The following SLC2A14 variants were observed in gnomAD, a reference collection of about 807,000 sequenced individuals.
SLC2A14 encodes solute carrier family 2 member 14.
In SLC2A14, 13 loss-of-function variants were observed where a neutral mutation model predicts 43.0. The observed-to-expected ratio is 0.30, with a 90% CI of 0.20 to 0.48. The LOEUF is 0.48. Among genes scored for constraint, SLC2A14 ranks in the 20% least tolerant of loss-of-function variants. The pLI is 0.99. For synonymous variants in SLC2A14, 190 were observed against 233.8 expected, an observed-to-expected ratio of 0.81 and a Z score of 1.71; for missense variants, 428 against 620.4, an observed-to-expected ratio of 0.69 and a Z score of 3.29.
chr12:7,827,537 G>T lies in SLC2A14; in HGVS notation c.822C>A (p.Ser274=), dbSNP rs747868865. ...GCTGCTGAGAGAGCTGGAGCACAAT[G>T]GAAATGATGATGGGCTGTCGGTAGC... The part of the protein sequence containing the change: ...VSSYRQPIII[S]IVLQLSQQLS... The change falls in exon 7 of 11, where the codon TCC becomes TCA. Residue 274 remains serine (S), a synonymous_variant. Transcript: ENST00000431042. The T allele has an allele frequency of 1.9e-6, 3 of 1,612,654 alleles. No homozygotes were observed. Among genetic ancestry groups the T allele is most frequent in the Non-Finnish European group, 8.5e-7 (1 of 1,179,796 alleles).
chr12:7,871,162 A>G, intron 1 of SLC2A14: 2 of 1,272,334 alleles, frequency 1.6e-6, no homozygotes, highest in Admixed American at 3.0e-5. Flanking sequence ...CCAGGATGTG[A>G]TCCAAAACGC....
At chr12:7,820,838 G>A (rs1449696019) in intron 8 of SLC2A14, among the ~76,000 whole-genome samples, 1 of 152,150 alleles carries the variant, frequency 6.6e-6, no homozygotes, top group East Asian at 1.9e-4. Flanking sequence ...TGTAATCCCA[G>A]TACTTTGGGA....
chr12:7,817,602 A>G (rs1414390335), intron 10 of SLC2A14, among the ~76,000 whole-genome samples: 5 of 152,074 alleles, frequency 3.3e-5, no homozygotes, highest in African/African-American at 7.2e-5. Context: ...CCCCATCTCT[A>G]CTAAACATAC....
chr12:7,883,237 C>T (rs1168121267), intron 1 of SLC2A14, among the ~76,000 whole-genome samples: 5 of 150,830 alleles, frequency 3.3e-5, no homozygotes, highest in African/African-American at 1.2e-4. Flanking sequence ...CAAACAAAAC[C>T]ACAAATGCTT....
chr12:7,837,940 T>C (rs1385702944), intron 2 of SLC2A14, among the ~76,000 whole-genome samples: 4 of 151,992 alleles, frequency 2.6e-5, no homozygotes, highest in Non-Finnish European at 4.4e-5. Context: ...GTGTTTTTAG[T>C]AGAGGTGGGG....
chr12:7,866,505 T>C (rs1490647330), intron 2 of SLC2A14, among the ~76,000 whole-genome samples: 2 of 151,802 alleles, frequency 1.3e-5, no homozygotes, highest in Admixed American at 1.3e-4. Context: ...GCTGGAACTA[T>C]AGGCGCCTGC....
chr12:7,845,347 G>C (rs1866372051), intron 2 of SLC2A14, among the ~76,000 whole-genome samples: 1 of 152,066 alleles, frequency 6.6e-6, no homozygotes, highest in South Asian at 2.1e-4. Flanking sequence ...TTTTAATCAA[G>C]GAACAATAAA....
rs748808768 is a variant in SLC2A14, at chr12:7,814,315, C to T, written c.*1G>A. 3 of 1,597,334 alleles carry T rather than the reference C, an allele frequency of 1.9e-6. No homozygotes were observed. In the South Asian group the frequency reaches 3.4e-5, roughly 18 times the overall value. On this transcript the variant is annotated 3_prime_UTR_variant, in exon 11 of 11. Transcript: ENST00000431042. Reference sequence around the variant, plus strand: ...GGGAGGGAGGTGGAAGGAGGCATGACTTAGACATTGGTGGTGGTCTCCTTA... The same window carrying T: ...GGGAGGGAGGTGGAAGGAGGCATGATTTAGACATTGGTGGTGGTCTCCTTA...
At chr12:7,877,213 G>C (rs1397925605), upstream of SLC2A14, among the ~76,000 whole-genome samples, 1 of 151,940 alleles carries the variant, frequency 6.6e-6, no homozygotes, top group Non-Finnish European at 1.5e-5. Flanking sequence ...GGCCAGGCTG[G>C]TCTTGAACTC....
chr12:7,818,955 T>C (rs1348980296), intron 9 of SLC2A14, among the ~76,000 whole-genome samples: 2 of 152,210 alleles, frequency 1.3e-5, no homozygotes, highest in African/African-American at 4.8e-5. Flanking sequence ...CAGTGGCTCA[T>C]GCCTGTAATC....
chr12:7,812,701 C>T lies in SLC2A14; in HGVS notation c.*1615G>A, dbSNP rs1244718050. 4 of 152,078 alleles carry T rather than the reference C, an allele frequency of 2.6e-5. No individual in the cohort carries two copies. Among genetic ancestry groups the T allele is most frequent in the Non-Finnish European group, 4.4e-5 (3 of 68,010 alleles). The allele number at this position is 152,078 out of a possible 1,614,324, so 9.4% of individuals were successfully genotyped here. A position where few individuals can be genotyped will look rare whatever the true frequency, so the allele number is the denominator to read the frequency against. On this transcript the variant is annotated 3_prime_UTR_variant, in exon 11 of 11. Transcript: ENST00000431042. ...CCACCTTTCCAGCTAAACCCCACTC[C>T]ATAGCTACGTGCATTTTTATTCAAA...
intron 2 of SLC2A14, among the ~76,000 whole-genome samples, chr12:7,853,429 CAAAAAAAAAA>C (rs35414391): frequency 2.5e-4 from 21 of 84,620 alleles, no homozygotes; most frequent in South Asian, 4.4e-4. Flanking sequence ...GACTCCATTT[CAAAAAAAAAA>C]AAAAAAAAAA....
chr12:7,823,702 A>G (rs752886327), intron 7 of SLC2A14, among the ~76,000 whole-genome samples: 16 of 147,630 alleles, frequency 1.1e-4, no homozygotes, highest in Non-Finnish European at 1.8e-4. Context: ...CCTGGGCAAT[A>G]AGAGCGAAAC....
intron 2 of SLC2A14, among the ~76,000 whole-genome samples, chr12:7,851,422 A>T (rs1203091051): frequency 6.6e-6 from 1 of 152,122 alleles, no homozygotes; most frequent in African/African-American, 2.4e-5. Flanking sequence ...TCAAATATAT[A>T]CTTGAAACTG....
At chr12:7,875,016 A>T (rs1450406222), upstream of SLC2A14, among the ~76,000 whole-genome samples, 7 of 110,618 alleles carry the variant, frequency 6.3e-5, no homozygotes, top group African/African-American at 1.2e-4. Flanking sequence ...ATATATAAAA[A>T]TTATATATAA....
At chr12:7,836,680 A>C (rs1421856874) in intron 2 of SLC2A14, among the ~76,000 whole-genome samples, 1 of 152,040 alleles carries the variant, frequency 6.6e-6, no homozygotes, top group Non-Finnish European at 1.5e-5. Context: ...CTAAAGACAC[A>C]AAAAAATTAG....
In SLC2A14 at chr12:7,888,569, G is replaced by T. The variant is rs754273057; in HGVS notation, c.132+2427C>A. ...AATCCTAGCACTTTGGGAGGCCGAG[G>T]TTGGCAGATCACAAGGTCAAGAGAT... On this transcript the variant is annotated intron_variant, in intron 1 of 9. Transcript: ENST00000539924. Among the ~76,000 whole-genome samples, 4 of 152,140 alleles carry T rather than the reference G, an allele frequency of 2.6e-5. No homozygotes were observed. The South Asian group carries it at 8.3e-4, about 32-fold the overall frequency.
In SLC2A14 at chr12:7,826,858, CTTTTTTCTTTCTTTCTTTCTTT is replaced by C. The variant is rs1864419604; in HGVS notation, c.864+615_864+636del. On this transcript the variant is annotated intron_variant, in intron 7 of 10. Coordinates refer to ENST00000431042, the MANE Select transcript of SLC2A14 (RefSeq NM_001286234.2). Reference sequence around the variant, plus strand: ...CTTTCCTTCCTTCCTTCCTTCCTTTCTTTTTTCTTTCTTTCTTTCTTTCTTTCTTTCTTTCTTTCTTTCTTTC... The same window carrying C: ...CTTTCCTTCCTTCCTTCCTTCCTTTCCTTTCTTTCTTTCTTTCTTTCTTTC... Among the ~76,000 whole-genome samples the C allele has an allele frequency of 4.6e-5, 2 of 43,192 alleles. 1 individual carries two copies. Among genetic ancestry groups the C allele is most frequent in the Admixed American group, 5.4e-4 (2 of 3,728 alleles). The allele number at this position is 43,192 out of a possible 152,430, so 28.3% of individuals were successfully genotyped here. A position where few individuals can be genotyped will look rare whatever the true frequency, so the allele number is the denominator to read the frequency against.
chr12:7,818,093 GT>G lies in SLC2A14; in HGVS notation c.1072-60del, dbSNP rs1293190138. 5.9e-6 allele frequency: 9 copies of G among 1,521,962 alleles called. No homozygotes were observed. In the Admixed American group the frequency reaches 6.4e-5, roughly 11 times the overall value. The allele number at this position is 1,521,962 out of a possible 1,614,324, so 94.3% of individuals were successfully genotyped here. A position where few individuals can be genotyped will look rare whatever the true frequency, so the allele number is the denominator to read the frequency against. ...AAAGACAGTGTAACCCAGGATCTAG[GT>G]TCCCAGAGGCAACTAATGGCAAGCT... On this transcript the variant is annotated intron_variant, in intron 9 of 10. Transcript: ENST00000431042.
Sources: allele counts gnomAD v4.1 joint callset (sites outside exome capture counted in the v4.1 genomes callset), GRCh38; gene constraint gnomAD v4.1.1; transcripts MANE v1.5; gene names NCBI Gene and HGNC (gene_info 2026-07-23, HGNC 2026-07-21).